The following SRGAP3 variants were observed in gnomAD, a reference collection of about 807,000 sequenced individuals.
SRGAP3 encodes the protein SLIT-ROBO Rho GTPase-activating protein 3.
A neutral mutation model predicts 121.1 loss-of-function variants in SRGAP3; 39 were observed. The ratio of observed to expected loss-of-function variants is 0.32; its 90% CI spans 0.25 to 0.42. The LOEUF (loss-of-function observed/expected upper bound fraction) is 0.42. SRGAP3 is among the 10% of genes least tolerant of loss of function. The probability of loss-of-function intolerance (pLI) is 1.00; values close to 1 mark genes in which losing one functional copy is unlikely to be tolerated. For missense variants in SRGAP3, 1,213 were observed against 1,470.6 expected, an observed-to-expected ratio of 0.82 and a Z score of 2.86; for synonymous variants, 601 against 570.0, an observed-to-expected ratio of 1.05 and a Z score of -0.77.
At chr3:9,146,875 C>T (rs1950043940) in intron 1 of SRGAP3, among the ~76,000 whole-genome samples, 2 of 152,210 alleles carry the variant, frequency 1.3e-5, no homozygotes, top group South Asian at 4.1e-4. Flanking sequence ...TTCATGTACA[C>T]GTGAGATGCC....
At chr3:9,143,077 C>T (rs999289939) in intron 1 of SRGAP3, among the ~76,000 whole-genome samples, 11 of 151,930 alleles carry the variant, frequency 7.2e-5, no homozygotes, top group African/African-American at 2.4e-4. Flanking sequence ...AGGGCTCAAG[C>T]GATCCTCCTG....
At position 9,105,389 on chromosome 3, in the gene SRGAP3, A is replaced by AG. The variant is rs528522495; in HGVS notation, c.261-548_261-547insC. Among the ~76,000 whole-genome samples the AG allele has an allele frequency of 2.5e-4, 38 of 152,312 alleles. No homozygotes were observed. In the South Asian group the frequency reaches 5.0e-3, roughly 20 times the overall value. Reference sequence around the variant, plus strand: ...TGGGAAAGGGGCTAGGAGGGCTCAGATTCTGTGTTCAGGAGGAAGGGTTAA... The same window carrying AG: ...TGGGAAAGGGGCTAGGAGGGCTCAGAGTTCTGTGTTCAGGAGGAAGGGTTAA... On this transcript the variant is annotated intron_variant, in intron 2 of 21. Coordinates refer to ENST00000383836, the MANE Select transcript of SRGAP3 (RefSeq NM_014850.4).
At chr3:9,310,309 C>T (rs1336766558) in intron 3 of SRGAP3, among the ~76,000 whole-genome samples, 3 of 152,122 alleles carry the variant, frequency 2.0e-5, no homozygotes, top group East Asian at 3.9e-4. Flanking sequence ...CTTATTGGTG[C>T]TTTTCCTAGC....
intron 2 of SRGAP3, among the ~76,000 whole-genome samples, chr3:9,111,446 C>T (rs369068): frequency 0.11 from 17,210 of 152,256 alleles, 1,245 homozygotes; most frequent in Admixed American, 0.18. Context: ...GGCGGAGAGC[C>T]TGGTGCATTT....
In SRGAP3 at chr3:9,013,529, G is replaced by A; in HGVS notation, c.1926C>T (p.Ser642=). ...RYLFAFLNHL[S]QYSDENMMDP... ...CCATCATGTTCTCGTCGCTATACTG[G>A]GAGAGGCTAGGAGAGAGGAGTTACC... is the stretch of plus-strand genomic sequence containing the variant. Residue 642 remains serine (S), a synonymous_variant, in exon 17 of 22, where the codon TCC becomes TCT. Coordinates refer to ENST00000383836, the MANE Select transcript of SRGAP3 (RefSeq NM_014850.4). The A allele has an allele frequency of 2.5e-6, 4 of 1,614,094 alleles. No individual in the cohort carries two copies. The highest frequency in any genetic ancestry group is 3.4e-6 in the Non-Finnish European group (4 of 1,180,022).
chr3:8,985,972 C>G lies in SRGAP3; in HGVS notation c.2887-40G>C. On this transcript the variant is annotated intron_variant, in intron 21 of 21. Coordinates refer to ENST00000383836, the MANE Select transcript of SRGAP3 (RefSeq NM_014850.4). This position sits in a 1 kb window ranked among gnomAD's most constrained non-coding sequence, Gnocchi z 5.1. ...AGCTGGGGTCAGCACAGTCTGGAGA[C>G]CTGGAGTCAGGTCCTTCCTGTCTGC... 1 of 1,599,450 alleles carries G rather than the reference C, an allele frequency of 6.3e-7. No individual in the cohort carries two copies. Among genetic ancestry groups the G allele is most frequent in the Non-Finnish European group, 8.5e-7 (1 of 1,179,868 alleles).
chr3:9,080,975 T>C (rs1394118437), intron 3 of SRGAP3, among the ~76,000 whole-genome samples: 1 of 152,172 alleles, frequency 6.6e-6, no homozygotes, highest in African/African-American at 2.4e-5. Flanking sequence ...TATAATGTGC[T>C]TCAATCATCC....
In SRGAP3 at chr3:9,038,457, T is replaced by G. The variant is rs1045084566; in HGVS notation, c.1409-367A>C. Among the ~76,000 whole-genome samples, 7 of 152,356 alleles carry G rather than the reference T, an allele frequency of 4.6e-5. No homozygotes were observed. The East Asian group carries it at 1.3e-3, about 29-fold the overall frequency. Reference sequence around the variant, plus strand: ...TCTCTGAGATAAAAACCCAGAAATCTGCATTTTAACTACCACCCCTGGTGA... The same window carrying G: ...TCTCTGAGATAAAAACCCAGAAATCGGCATTTTAACTACCACCCCTGGTGA... On this transcript the variant is annotated intron_variant, in intron 10 of 21. Transcript: ENST00000383836.
At chr3:9,151,036 A>G (rs1388618688) in intron 1 of SRGAP3, among the ~76,000 whole-genome samples, 1 of 152,242 alleles carries the variant, frequency 6.6e-6, no homozygotes, top group Non-Finnish European at 1.5e-5. Flanking sequence ...GTTGAGAAGA[A>G]TGAGACTCTA....
At chr3:9,072,135 T>A (rs1441241301) in intron 4 of SRGAP3, among the ~76,000 whole-genome samples, 2 of 152,150 alleles carry the variant, frequency 1.3e-5, no homozygotes. Flanking sequence ...CCGGCCAGGC[T>A]CAGTGCAGTG....
upstream of SRGAP3, among the ~76,000 whole-genome samples, chr3:9,250,533 C>T (rs562041143): frequency 6.6e-6 from 1 of 152,200 alleles, no homozygotes; most frequent in Admixed American, 6.5e-5. Context: ...ATGTAAAGTG[C>T]TATGGGAAAA....
intron 3 of SRGAP3, among the ~76,000 whole-genome samples, chr3:9,082,848 C>T (rs1183122260): frequency 6.6e-6 from 1 of 152,220 alleles, no homozygotes; most frequent in Non-Finnish European, 1.5e-5. Flanking sequence ...ACAGCCCTTT[C>T]TCTCAGCTTC....
At chr3:9,254,123 T>C (rs1954074263), upstream of SRGAP3, among the ~76,000 whole-genome samples, 1 of 152,138 alleles carries the variant, frequency 6.6e-6, no homozygotes, top group South Asian at 2.1e-4. Flanking sequence ...TTTTCTAATA[T>C]CAATTCAAAC....
intron 3 of SRGAP3, among the ~76,000 whole-genome samples, chr3:9,094,649 C>T (rs1189482334): frequency 4.6e-5 from 7 of 152,272 alleles, no homozygotes; most frequent in Non-Finnish European, 7.3e-5. Context: ...ATTGTTTTAC[C>T]TACCAACTGG....
At chr3:9,206,167 A>G (rs1339188184) in intron 1 of SRGAP3, among the ~76,000 whole-genome samples, 1 of 152,212 alleles carries the variant, frequency 6.6e-6, no homozygotes, top group African/African-American at 2.4e-5. Flanking sequence ...AATGAAGTAA[A>G]TTTTATCACA....
At chr3:9,010,553 T>A (rs1943312055) in intron 17 of SRGAP3, among the ~76,000 whole-genome samples, 166 bp from the exon 18 acceptor site, 1 of 152,098 alleles carries the variant, frequency 6.6e-6, no homozygotes, top group South Asian at 2.1e-4. Flanking sequence ...ACCTTCCTAA[T>A]CAGAAAACTA....
intron 1 of SRGAP3, chr3:9,349,048 T>G: frequency 1.0e-6 from 1 of 982,572 alleles, no homozygotes; most frequent in Non-Finnish European, 1.6e-6. Context: ...CTGAAGAGGC[T>G]ATCATGGAGC....
intron 1 of SRGAP3, among the ~76,000 whole-genome samples, chr3:9,176,749 T>G (rs1192032550): frequency 6.6e-6 from 1 of 152,098 alleles, no homozygotes; most frequent in African/African-American, 2.4e-5. Flanking sequence ...CCACACACTT[T>G]TAAACAGCTG....
intron 9 of SRGAP3, among the ~76,000 whole-genome samples, chr3:9,052,710 C>A (rs139627264): frequency 2.0e-5 from 3 of 152,290 alleles, no homozygotes; most frequent in Non-Finnish European, 2.9e-5. Flanking sequence ...CAAGGTTGTT[C>A]CTTGGGACTT....
Sources: allele counts gnomAD v4.1 joint callset (sites outside exome capture counted in the v4.1 genomes callset), GRCh38; gene constraint gnomAD v4.1.1; non-coding constraint Gnocchi (gnomAD v3.1); transcripts MANE v1.5; gene names NCBI Gene and HGNC (gene_info 2026-07-23, HGNC 2026-07-21).